Variants in MGLL observed in about 807,000 individuals in gnomAD.
The protein encoded by MGLL is monoglyceride lipase, also known as lysophospholipase homolog.
In MGLL, 7 loss-of-function variants were observed where a neutral mutation model predicts 29.1. The observed-to-expected ratio is 0.24, with a 90% CI of 0.14 to 0.45. MGLL has a LOEUF of 0.45. MGLL is among the 20% of genes least tolerant of loss of function. The pLI, the probability that MGLL is intolerant of heterozygous loss-of-function variation, is 0.99. For synonymous variants in MGLL, 148 were observed against 168.3 expected (o/e 0.88, Z 0.93); for missense variants, 356 against 413.6 (o/e 0.86, Z 1.21).
At chr3:127,696,085 C>G (rs1227172196) in intron 6 of MGLL, among the ~76,000 whole-genome samples, 1 of 152,186 alleles carries the variant, frequency 6.6e-6, no homozygotes, top group Non-Finnish European at 1.5e-5. Context: ...GGCCTCCGTG[C>G]CCCTCAGGGC....
At chr3:127,769,264 T>C (rs1038035773) in intron 3 of MGLL, among the ~76,000 whole-genome samples, 8 of 151,950 alleles carry the variant, frequency 5.3e-5, no homozygotes, top group African/African-American at 1.9e-4. Flanking sequence ...GGCAGGAGAA[T>C]TGCTTGAACC....
chr3:127,794,247 C>A (rs756335203), intron 2 of MGLL, among the ~76,000 whole-genome samples: 10 of 152,074 alleles, frequency 6.6e-5, no homozygotes, highest in Non-Finnish European at 8.8e-5. Flanking sequence ...GAGCTCCAGA[C>A]CAGCCTGGCC....
At chr3:127,710,791 C>T (rs1292009529) in intron 5 of MGLL, 126 bp from the exon 6 acceptor site, 4 of 867,868 alleles carry the variant, frequency 4.6e-6, no homozygotes, top group Non-Finnish European at 7.6e-6. Context: ...AGGTTCGTCT[C>T]CCAAGCCTGC....
intron 3 of MGLL, among the ~76,000 whole-genome samples, chr3:127,733,482 G>T (rs1559931742): frequency 6.6e-6 from 1 of 152,098 alleles, no homozygotes; most frequent in Non-Finnish European, 1.5e-5. Context: ...CTCTCTTGGG[G>T]TCTGGATCAG....
At chr3:127,711,088 C>T (rs896754087) in intron 5 of MGLL, 6 of 268,598 alleles carry the variant, frequency 2.2e-5, no homozygotes, top group South Asian at 4.2e-5. Context: ...CAGGGCAGTG[C>T]GGAAGGGCCC....
At chr3:127,717,142 G>T (rs1481698627) in intron 5 of MGLL, among the ~76,000 whole-genome samples, 1 of 152,146 alleles carries the variant, frequency 6.6e-6, no homozygotes, top group Admixed American at 6.5e-5. Flanking sequence ...CTGCCCAAAG[G>T]GCCAGTGCAT....
chr3:127,769,937 C>T (rs1473559718), intron 3 of MGLL, among the ~76,000 whole-genome samples: 3 of 152,208 alleles, frequency 2.0e-5, no homozygotes, highest in Non-Finnish European at 4.4e-5. Context: ...TTTCTTCTTC[C>T]ACCTGTCATC....
At chr3:127,810,223 A>T (rs2077637510) in intron 2 of MGLL, among the ~76,000 whole-genome samples, 1 of 151,902 alleles carries the variant, frequency 6.6e-6, no homozygotes. Flanking sequence ...TGACGCCTTG[A>T]TCTTGGACTT....
intron 3 of MGLL, among the ~76,000 whole-genome samples, chr3:127,775,880 G>T (rs1034860732): frequency 6.6e-6 from 1 of 152,318 alleles, no homozygotes; most frequent in African/African-American, 2.4e-5. Flanking sequence ...GTCCATGTGT[G>T]CCCTCCTCCC....
intron 5 of MGLL, chr3:127,712,021 C>T (rs1024902415): frequency 1.3e-5 from 2 of 152,280 alleles, no homozygotes; most frequent in African/African-American, 2.4e-5. Flanking sequence ...GGCGCCCGGC[C>T]AGTCTCCCTG....
At chr3:127,708,223 T>C (rs2075640952) in intron 6 of MGLL, among the ~76,000 whole-genome samples, 1 of 152,170 alleles carries the variant, frequency 6.6e-6, no homozygotes, top group African/African-American at 2.4e-5. Flanking sequence ...CAGCAGAACG[T>C]TCAGAGGGAG....
Position 127,690,631 on chromosome 3 carries a change from C to T in MGLL, c.*1567G>A, listed in dbSNP as rs1011623246. The T allele has an allele frequency of 2.6e-5, 4 of 152,760 alleles. No individual in the cohort carries two copies. The highest frequency in any genetic ancestry group is 9.6e-5 in the African/African-American group (4 of 41,468). 9.5% of individuals were successfully genotyped at this position (152,760 alleles called of 1,614,324 possible). Reference sequence around the variant, plus strand: ...GTGGGAAGTGGCCTCTCCTCTGTGGCCCCAGAACCCCTACATTGCACCTTC... The same window carrying T: ...GTGGGAAGTGGCCTCTCCTCTGTGGTCCCAGAACCCCTACATTGCACCTTC... On this transcript the variant is annotated 3_prime_UTR_variant, in exon 8 of 8. Transcript: ENST00000265052.
chr3:127,749,566 TG>T (rs2076517207), intron 3 of MGLL, among the ~76,000 whole-genome samples: 1 of 152,190 alleles, frequency 6.6e-6, no homozygotes, highest in South Asian at 2.1e-4. Context: ...TGCTGTGTGC[TG>T]GGGGGATGGT....
chr3:127,722,649 GCT>G, intron 3 of MGLL, 83 bp from the exon 4 acceptor site: 2 of 1,578,336 alleles, frequency 1.3e-6, no homozygotes, highest in Non-Finnish European at 1.7e-6. Context: ...CACTGCAATC[GCT>G]CTCTCTCCTG....
chr3:127,821,217 A>C (rs1302993865), intron 2 of MGLL, among the ~76,000 whole-genome samples: 1 of 152,196 alleles, frequency 6.6e-6, no homozygotes, highest in Non-Finnish European at 1.5e-5. Flanking sequence ...CTGGCAAGGA[A>C]TCAGAAGGAA....
chr3:127,720,563 C>T (rs754443719), intron 5 of MGLL, among the ~76,000 whole-genome samples: 2 of 152,298 alleles, frequency 1.3e-5, no homozygotes, highest in Non-Finnish European at 2.9e-5. Context: ...GTCATTCCAA[C>T]CAGAAAAACA....
chr3:127,758,332 T>C (rs935172715), intron 3 of MGLL, among the ~76,000 whole-genome samples: 7 of 152,222 alleles, frequency 4.6e-5, no homozygotes, highest in African/African-American at 1.7e-4. Context: ...TTGCTGCTCA[T>C]TGTCTGCCAA....
chr3:127,739,707 AG>A (rs2076302243), intron 3 of MGLL, among the ~76,000 whole-genome samples: 2 of 152,164 alleles, frequency 1.3e-5, no homozygotes, highest in Admixed American at 6.5e-5. Context: ...TTTGGGATGG[AG>A]CAGCAGGCCT....
In MGLL at chr3:127,724,078, C is replaced by G. The variant is rs2075987305; in HGVS notation, c.263-1512G>C. Among the ~76,000 whole-genome samples, 3 of 152,134 alleles carry G rather than the reference C, an allele frequency of 2.0e-5. No individual in the cohort carries two copies. The South Asian group carries it at 6.2e-4, about 32-fold the overall frequency. ...CAGGAGAAACCAACCCTGCTGATGC[C>G]CTGATCTTGGACTTCCAGCCTCTGG... On this transcript the variant is annotated intron_variant, in intron 3 of 7. Coordinates refer to ENST00000265052, the MANE Select transcript of MGLL (RefSeq NM_007283.7).
Sources: gnomAD v4.1 joint callset for allele counts (sites outside exome capture counted in the v4.1 genomes callset) on GRCh38, gnomAD v4.1.1 for gene constraint, MANE v1.5 for transcripts, NCBI Gene and HGNC (gene_info 2026-07-23, HGNC 2026-07-21) for gene names.